The following OCLN variants were observed in gnomAD, a reference collection of about 807,000 sequenced individuals.
OCLN encodes occludin.
A neutral mutation model predicts 47.9 loss-of-function variants in OCLN; 21 were observed. The observed-to-expected ratio is 0.44, with a 90% CI of 0.31 to 0.63. OCLN has a LOEUF of 0.63. Among genes scored for constraint, OCLN ranks in the 30% least tolerant of loss-of-function variants. The pLI, the probability that OCLN is intolerant of heterozygous loss-of-function variation, is 0.08. For synonymous variants in OCLN, 117 were observed against 198.4 expected, an observed-to-expected ratio of 0.59 and a Z score of 3.45; for missense variants, 360 against 571.0, an observed-to-expected ratio of 0.63 and a Z score of 3.77.
At chr5:69,511,716 T>A (rs1041450384) in intron 3 of OCLN, among the ~76,000 whole-genome samples, 1 of 152,078 alleles carries the variant, frequency 6.6e-6, no homozygotes, top group Non-Finnish European at 1.5e-5. Flanking sequence ...CTTGATGGTG[T>A]CCTTTGCATA....
At chr5:69,548,142 A>G in intron 7 of OCLN, 41 bp downstream of exon 7, 1 of 415,872 alleles carries the variant, frequency 2.4e-6, no homozygotes, top group Non-Finnish European at 4.4e-6. Flanking sequence ...CAGAATTTGA[A>G]TCTAATCTGT....
intron 6 of OCLN, among the ~76,000 whole-genome samples, chr5:69,547,626 T>A (rs1769744528): frequency 7.8e-6 from 1 of 128,710 alleles, no homozygotes; most frequent in African/African-American, 3.1e-5. Flanking sequence ...CCATTATTGA[T>A]ATTGTGTATG....
At chr5:69,516,310 C>A (rs913666937) in intron 4 of OCLN, among the ~76,000 whole-genome samples, 4 of 152,242 alleles carry the variant, frequency 2.6e-5, no homozygotes, top group Non-Finnish European at 5.9e-5. Flanking sequence ...GCCCGGCCAA[C>A]ACAGCGAAAC....
In OCLN at chr5:69,493,132, C is replaced by A. The variant is rs112668231; in HGVS notation, c.-69+232C>A. On this transcript the variant is annotated intron_variant, in intron 1 of 8. Coordinates refer to ENST00000396442, the MANE Select transcript of OCLN (RefSeq NM_001205254.2). The surrounding 1 kb of genome is among the most constrained non-coding windows in gnomAD (Gnocchi z 5.3). ...CCTGGGGCGAGGGGTGGCTTGGAGC[C>A]GCCGATCAAGCTTTATTCCGCGGAA... is the stretch of plus-strand genomic sequence containing the variant. Among the ~76,000 whole-genome samples the A allele has an allele frequency of 1.2e-4, 18 of 152,206 alleles. No individual in the cohort carries two copies. The highest frequency in any genetic ancestry group is 4.1e-4 in the African/African-American group (17 of 41,534).
chr5:69,513,587 CT>C (rs1768844259), intron 3 of OCLN, among the ~76,000 whole-genome samples: 1 of 152,214 alleles, frequency 6.6e-6, no homozygotes, highest in African/African-American at 2.4e-5. Flanking sequence ...GATTGAGTTA[CT>C]TTACTGGCCA....
Position 69,536,691 on chromosome 5 carries a change from G to A in OCLN, c.1037+1852G>A, listed in dbSNP as rs539481174. On this transcript the variant is annotated intron_variant, in intron 5 of 8. Coordinates refer to ENST00000396442, the MANE Select transcript of OCLN (RefSeq NM_001205254.2). Reference sequence around the variant, plus strand: ...GTCTCAAAAAAAAAAACAAAAGGCCGGACGCGGTGGCTCACCCCTGTAATC... The same window carrying A: ...GTCTCAAAAAAAAAAACAAAAGGCCAGACGCGGTGGCTCACCCCTGTAATC... Among the ~76,000 whole-genome samples the A allele has an allele frequency of 5.0e-3, 758 of 151,144 alleles. 12 individuals carry two copies. The highest frequency in any genetic ancestry group is 0.018 in the African/African-American group (729 of 41,084).
intron 1 of OCLN, among the ~76,000 whole-genome samples, chr5:69,496,937 G>A (rs1229571315): frequency 1.3e-5 from 2 of 152,106 alleles, no homozygotes; most frequent in African/African-American, 4.8e-5. Flanking sequence ...TAGGTGATAA[G>A]TGGCCTCTTC....
intron 2 of OCLN, 61 bp from the exon 3 acceptor site, chr5:69,509,080 G>A: frequency 7.5e-7 from 1 of 1,333,900 alleles, no homozygotes; most frequent in Non-Finnish European, 1.1e-6. Context: ...CAAATAAGTT[G>A]TGTTCTTTCT....
chr5:69,532,928 A>G (rs1294726895), intron 4 of OCLN, among the ~76,000 whole-genome samples: 1 of 151,508 alleles, frequency 6.6e-6, no homozygotes, highest in Non-Finnish European at 1.5e-5. Flanking sequence ...AGATCGCACC[A>G]CTGCACTCCA....
chr5:69,498,086 C>G (rs1448744411), intron 1 of OCLN, among the ~76,000 whole-genome samples: 2 of 151,764 alleles, frequency 1.3e-5, no homozygotes, highest in East Asian at 3.9e-4. Context: ...GAGCCGAGAT[C>G]CCGCCACTGC....
At chr5:69,547,557 C>T (rs2112084821) in intron 6 of OCLN, among the ~76,000 whole-genome samples, 1 of 121,562 alleles carries the variant, frequency 8.2e-6, no homozygotes, top group Non-Finnish European at 1.7e-5. Context: ...GGTGACAGAG[C>T]AGGCTTTGTC....
chr5:69,525,660 AAG>A (rs2112034000), intron 4 of OCLN, among the ~76,000 whole-genome samples: 1 of 152,244 alleles, frequency 6.6e-6, no homozygotes, highest in East Asian at 1.9e-4. Context: ...TGATTTTTAT[AAG>A]AGTTTTTATG....
intron 4 of OCLN, among the ~76,000 whole-genome samples, chr5:69,515,607 C>G (rs1266719949): frequency 1.0e-4 from 15 of 148,742 alleles, no homozygotes; most frequent in African/African-American, 3.7e-4. Context: ...ACCTCCCTCC[C>G]GGACGGGGCG....
Position 69,555,429 on chromosome 5 carries a change from A to C in OCLN, c.*1758A>C, listed in dbSNP as rs62371757. On this transcript the variant is annotated 3_prime_UTR_variant, in exon 9 of 9. Transcript: ENST00000396442. Reference sequence around the variant, plus strand: ...CAGGCATGCGCCACCACACCTGGCTAATTTTTTTTTTGTATTTTTAGTAGA... The same window carrying C: ...CAGGCATGCGCCACCACACCTGGCTCATTTTTTTTTTGTATTTTTAGTAGA... 4 of 150,260 alleles carry C rather than the reference A, an allele frequency of 2.7e-5. No homozygotes were observed. Among genetic ancestry groups the C allele is most frequent in the African/African-American group, 9.8e-5 (4 of 40,796 alleles). 9.3% of individuals were successfully genotyped at this position (150,260 alleles called of 1,614,324 possible). A position where few individuals can be genotyped will look rare whatever the true frequency, so the allele number is the denominator to read the frequency against.
intron 2 of OCLN, among the ~76,000 whole-genome samples, chr5:69,507,591 C>T (rs569356936): frequency 3.3e-5 from 5 of 152,050 alleles, no homozygotes; most frequent in African/African-American, 1.2e-4. Flanking sequence ...TTTATACTTT[C>T]ATTAAAAATA....
At chr5:69,505,183 G>T (rs1768565121) in intron 2 of OCLN, among the ~76,000 whole-genome samples, 1 of 152,172 alleles carries the variant, frequency 6.6e-6, no homozygotes, top group Admixed American at 6.5e-5. Context: ...CCAGGAGGCG[G>T]AGGTTGAGGT....
chr5:69,517,747 G>A (rs1052229430), intron 4 of OCLN, among the ~76,000 whole-genome samples: 1 of 152,176 alleles, frequency 6.6e-6, no homozygotes, highest in Non-Finnish European at 1.5e-5. Flanking sequence ...ATTCACCACT[G>A]AGACGATAGT....
intron 4 of OCLN, among the ~76,000 whole-genome samples, chr5:69,522,784 A>G (rs890668358): frequency 1.3e-5 from 2 of 151,516 alleles, no homozygotes; most frequent in Admixed American, 6.6e-5. Flanking sequence ...CTGGAGTGCA[A>G]TGGCGCAATC....
At position 69,554,394 on chromosome 5, in the gene OCLN, TTAAA is replaced by T. The variant is rs1769915331; in HGVS notation, c.*726_*729del. 3 of 152,276 alleles carry T rather than the reference TTAAA, an allele frequency of 2.0e-5. No homozygotes were observed. The South Asian group carries it at 6.2e-4, about 32-fold the overall frequency. The allele number at this position is 152,276 out of a possible 1,614,324, so 9.4% of individuals were successfully genotyped here. The stretch of plus-strand genomic sequence containing the variant: ...CCCGTGGTTAGAATTTTGTGTGTTT[TTAAA>T]TACTTTTTATCTTTTTGCATGCCTT... On this transcript the variant is annotated 3_prime_UTR_variant, in exon 9 of 9. Transcript: ENST00000396442.
Sources: gnomAD v4.1 joint callset for allele counts (sites outside exome capture counted in the v4.1 genomes callset) on GRCh38, gnomAD v4.1.1 for gene constraint, Gnocchi (gnomAD v3.1) non-coding constraint, MANE v1.5 for transcripts, NCBI Gene and HGNC (gene_info 2026-07-23, HGNC 2026-07-21) for gene names.